Variants in SCMH1 observed in about 807,000 individuals in gnomAD.
The protein encoded by SCMH1 is Scm polycomb group protein homolog 1.
SCMH1 carries 37 observed loss-of-function variants against 70.8 expected under a neutral mutation model. The observed-to-expected ratio is 0.52, with a 90% CI of 0.40 to 0.69. The LOEUF (loss-of-function observed/expected upper bound fraction) is 0.69. Ranked by LOEUF, SCMH1 falls within the 30% of genes least tolerant of loss-of-function variation. SCMH1 has a pLI of 0.00. For synonymous variants in SCMH1, 292 were observed against 307.4 expected, an observed-to-expected ratio of 0.95 and a Z score of 0.52; for missense variants, 607 against 827.3, an observed-to-expected ratio of 0.73 and a Z score of 3.27.
intron 11 of SCMH1, among the ~76,000 whole-genome samples, 157 bp downstream of exon 11, chr1:41,048,533 G>C (rs1010800361): frequency 6.6e-5 from 10 of 152,182 alleles, no homozygotes; most frequent in Non-Finnish European, 1.5e-4. Flanking sequence ...AGGCTCAGAG[G>C]GGCTCTTGGG....
At chr1:41,052,930 T>TC (rs1423969256) in intron 10 of SCMH1, among the ~76,000 whole-genome samples, 1 of 150,462 alleles carries the variant, frequency 6.6e-6, no homozygotes, top group Non-Finnish European at 1.5e-5. Flanking sequence ...TTTTTTTTTT[T>TC]TTCTTGAGAC....
At chr1:41,130,979 A>G (rs1009975112) in intron 6 of SCMH1, among the ~76,000 whole-genome samples, 2 of 152,160 alleles carry the variant, frequency 1.3e-5, no homozygotes, top group Admixed American at 1.3e-4. Context: ...TGTATTATCT[A>G]ATCCAAGGTC....
chr1:41,186,308 G>C lies in SCMH1; in HGVS notation c.-117-58C>G, dbSNP rs576376165. On this transcript the variant is annotated intron_variant, in intron 1 of 14. Transcript: ENST00000337495. ...GAACATTTATTACCTGTAAAGTACT[G>C]AGATCTCTAATTATTAACAATTAGG... is the stretch of plus-strand genomic sequence containing the variant. 5.1e-4 allele frequency: 247 copies of C among 487,364 alleles called. No individual in the cohort carries two copies. In the Middle Eastern group the frequency reaches 9.3e-3, roughly 18 times the overall value. The allele number at this position is 487,364 out of a possible 1,614,324, so 30.2% of individuals were successfully genotyped here. A position where few individuals can be genotyped will look rare whatever the true frequency, so the allele number is the denominator to read the frequency against.
chr1:41,173,690 T>C (rs1646934067), intron 2 of SCMH1, among the ~76,000 whole-genome samples: 1 of 152,178 alleles, frequency 6.6e-6, no homozygotes, highest in Non-Finnish European at 1.5e-5. Context: ...CTATTCATAA[T>C]AGTCAAGATA....
intron 8 of SCMH1, among the ~76,000 whole-genome samples, chr1:41,094,554 TTC>T (rs1460004708): frequency 6.6e-6 from 1 of 152,114 alleles, no homozygotes; most frequent in African/African-American, 2.4e-5. Context: ...AAGAAAGAAT[TTC>T]TTTCTCCCTC....
intron 8 of SCMH1, among the ~76,000 whole-genome samples, chr1:41,104,195 A>G (rs1667305198): frequency 6.6e-6 from 1 of 152,122 alleles, no homozygotes; most frequent in Non-Finnish European, 1.5e-5. Flanking sequence ...TCAACTGGGG[A>G]GGCAGACACT....
chr1:41,112,889 A>G (rs1426896248), intron 8 of SCMH1, among the ~76,000 whole-genome samples: 1 of 152,142 alleles, frequency 6.6e-6, no homozygotes, highest in Non-Finnish European at 1.5e-5. Context: ...CTTCTCAACT[A>G]TTTTTACAAT....
At chr1:41,209,665 A>G (rs1007154248) in intron 1 of SCMH1, among the ~76,000 whole-genome samples, 8 of 152,264 alleles carry the variant, frequency 5.3e-5, no homozygotes, top group African/African-American at 1.9e-4. Context: ...AAAATTCAAC[A>G]GCACTTCGTG....
chr1:41,199,020 A>G (rs1292801956), intron 1 of SCMH1, among the ~76,000 whole-genome samples: 1 of 152,214 alleles, frequency 6.6e-6, no homozygotes, highest in Admixed American at 6.5e-5. Context: ...AAAAGGAACT[A>G]TTACAGAACA....
At chr1:41,216,438 C>T (rs1658101172) in intron 1 of SCMH1, among the ~76,000 whole-genome samples, 1 of 152,174 alleles carries the variant, frequency 6.6e-6, no homozygotes, top group South Asian at 2.1e-4. Context: ...ACCACCAGGA[C>T]TCTTCTACCT....
At chr1:41,202,135 A>G (rs900779679) in intron 1 of SCMH1, among the ~76,000 whole-genome samples, 3 of 152,118 alleles carry the variant, frequency 2.0e-5, no homozygotes, top group African/African-American at 7.2e-5. Context: ...TCCTGGGTTC[A>G]AGTGATTCTC....
intron 1 of SCMH1, among the ~76,000 whole-genome samples, chr1:41,234,453 CTTTTTTTTTTTTTT>C (rs66686109): frequency 1.1e-3 from 55 of 49,422 alleles, no homozygotes; most frequent in African/African-American, 3.6e-3. Context: ...AACTCTGCCT[CTTTTTTTTTTTTTT>C]TTTTTTTTTT....
At chr1:41,157,532 A>C (rs559041021) in intron 4 of SCMH1, among the ~76,000 whole-genome samples, 9 of 152,368 alleles carry the variant, frequency 5.9e-5, no homozygotes, top group African/African-American at 2.2e-4. Flanking sequence ...ACAGACTTTC[A>C]GGCAACAGAA....
intron 10 of SCMH1, among the ~76,000 whole-genome samples, chr1:41,050,065 A>G (rs1647505965): frequency 6.6e-6 from 1 of 151,538 alleles, no homozygotes; most frequent in Non-Finnish European, 1.5e-5. Context: ...AAAAAAAAAA[A>G]GTGAAAAGAG....
intron 6 of SCMH1, among the ~76,000 whole-genome samples, chr1:41,125,941 G>A (rs1012007414): frequency 6.6e-6 from 1 of 152,092 alleles, no homozygotes; most frequent in Non-Finnish European, 1.5e-5. Context: ...TCAATGAACA[G>A]TGCTTGGAAA....
At position 41,160,129 on chromosome 1, in the gene SCMH1, A is replaced by G. The variant is rs544499261; in HGVS notation, c.106+746T>C. The stretch of plus-strand genomic sequence containing the variant: ...GGAAAGTAATATGTTGCAGGAAAGA[A>G]AGGCAAGAGGAGGCAAATAGACAAT... On this transcript the variant is annotated intron_variant, in intron 4 of 14. Transcript: ENST00000337495. 7.2e-5 allele frequency among the ~76,000 whole-genome samples: 11 copies of G among 152,334 alleles called. No homozygotes were observed. In the South Asian group the frequency reaches 1.7e-3, roughly 23 times the overall value.
intron 10 of SCMH1, among the ~76,000 whole-genome samples, chr1:41,058,383 T>TTTTTTTTTTTG (rs1651321691): frequency 9.5e-6 from 1 of 105,362 alleles, no homozygotes; most frequent in East Asian, 2.6e-4. Flanking sequence ...TTCTTGTTTT[T>TTTTTTTTTTTG]TTTTTTTTTT....
chr1:41,212,308 T>C (rs540998181), intron 1 of SCMH1, among the ~76,000 whole-genome samples: 32 of 152,302 alleles, frequency 2.1e-4, no homozygotes, highest in African/African-American at 7.5e-4. Flanking sequence ...TTTCATTCCC[T>C]AGGAAGCAGA....
At chr1:41,062,608 G>A (rs1003732138) in intron 10 of SCMH1, among the ~76,000 whole-genome samples, 1 of 151,864 alleles carries the variant, frequency 6.6e-6, no homozygotes, top group Non-Finnish European at 1.5e-5. Context: ...GCATGGTGGC[G>A]CATGCCTGTA....
Sources: allele counts gnomAD v4.1 joint callset (sites outside exome capture counted in the v4.1 genomes callset), GRCh38; gene constraint gnomAD v4.1.1; transcripts MANE v1.5; gene names NCBI Gene and HGNC (gene_info 2026-07-23, HGNC 2026-07-21).